DCC: variants seen among roughly 807,000 people sequenced by gnomAD.
DCC encodes the protein netrin receptor DCC.
A neutral mutation model predicts 172.5 loss-of-function variants in DCC; 58 were observed. The ratio of observed to expected loss-of-function variants is 0.34; its 90% CI spans 0.27 to 0.42. The LOEUF (loss-of-function observed/expected upper bound fraction) is 0.42, where lower values mean the gene tolerates loss of function less well. DCC is among the 10% of genes least tolerant of loss of function. The probability of loss-of-function intolerance (pLI) is 1.00; values close to 1 mark genes in which losing one functional copy is unlikely to be tolerated. For synonymous variants in DCC, 709 were observed against 644.5 expected (o/e 1.10, Z -1.52); for missense variants, 1,740 against 1,791.0 (o/e 0.97, Z 0.51).
intron 2 of DCC, among the ~76,000 whole-genome samples, chr18:52,819,420 T>C (rs981227567): frequency 6.6e-5 from 10 of 152,248 alleles, no homozygotes; most frequent in Non-Finnish European, 1.3e-4. Flanking sequence ...ATGGAAGATA[T>C]TACATAAATT....
At chr18:53,128,622 A>T (rs8096803) in intron 7 of DCC, among the ~76,000 whole-genome samples, 25,344 of 151,706 alleles carry the variant, frequency 0.17, 2,781 homozygotes, top group African/African-American at 0.31. Flanking sequence ...GACTTTAAAA[A>T]TAGTTTTATT....
At chr18:53,516,808 G>A (rs2046339194) in intron 27 of DCC, among the ~76,000 whole-genome samples, 1 of 143,244 alleles carries the variant, frequency 7.0e-6, no homozygotes, top group Non-Finnish European at 1.5e-5. Context: ...ACAGGTGCTG[G>A]AGAGGATGTG....
chr18:52,462,902 C>A (rs1454597751), intron 1 of DCC, among the ~76,000 whole-genome samples: 1 of 152,118 alleles, frequency 6.6e-6, no homozygotes, highest in Non-Finnish European at 1.5e-5. Flanking sequence ...TCTCTCCTGG[C>A]CATTTCTGAC....
At position 53,351,458 on chromosome 18, in the gene DCC, C is replaced by CACTGTGTATATATATAT. The variant is rs1568075464; in HGVS notation, c.2359+11553_2359+11554insTGTGTATATATATATAC. Among the ~76,000 whole-genome samples the CACTGTGTATATATATAT allele has an allele frequency of 1.6e-3, 39 of 24,282 alleles. 1 individual carries two copies. Among genetic ancestry groups the CACTGTGTATATATATAT allele is most frequent in the African/African-American group, 5.7e-3 (34 of 5,984 alleles). The allele number at this position is 24,282 out of a possible 152,430, so 15.9% of individuals were successfully genotyped here. A position where few individuals can be genotyped will look rare whatever the true frequency, so the allele number is the denominator to read the frequency against. ...TATATACAGTGTATATATATATATA[C>CACTGTGTATATATATAT]ACAGTGTGTATATATATATATATAT... On this transcript the variant is annotated intron_variant, in intron 15 of 28. Coordinates refer to ENST00000442544, the MANE Select transcript of DCC (RefSeq NM_005215.4).
chr18:53,380,685 G>A (rs530453926), intron 15 of DCC, among the ~76,000 whole-genome samples: 23 of 152,230 alleles, frequency 1.5e-4, no homozygotes, highest in African/African-American at 5.3e-4. Flanking sequence ...TTATTACTTA[G>A]GTAGTTCTGC....
intron 12 of DCC, among the ~76,000 whole-genome samples, chr18:53,222,012 C>T (rs542962910): frequency 2.0e-5 from 3 of 152,246 alleles, no homozygotes; most frequent in African/African-American, 7.2e-5. Context: ...AATTTTGTCT[C>T]ATATTCCATC....
At chr18:52,629,341 C>G (rs1568263545) in intron 1 of DCC, among the ~76,000 whole-genome samples, 1 of 152,160 alleles carries the variant, frequency 6.6e-6, no homozygotes, top group Admixed American at 6.5e-5. Context: ...GTTTCTGACA[C>G]TGCTGCTGGT....
At chr18:52,824,095 A>G (rs375340720) in intron 2 of DCC, among the ~76,000 whole-genome samples, 2 of 152,288 alleles carry the variant, frequency 1.3e-5, no homozygotes, top group East Asian at 3.9e-4. Flanking sequence ...TTTCCATTTA[A>G]AAAGACCTCC....
intron 7 of DCC, among the ~76,000 whole-genome samples, chr18:53,074,869 A>G (rs1390069072): frequency 6.6e-6 from 1 of 152,180 alleles, no homozygotes; most frequent in Non-Finnish European, 1.5e-5. Flanking sequence ...CTTAGGCAAT[A>G]TTGCCTAACC....
At chr18:53,508,451 C>T (rs2046210610) in intron 27 of DCC, among the ~76,000 whole-genome samples, 1 of 151,976 alleles carries the variant, frequency 6.6e-6, no homozygotes, top group Admixed American at 6.6e-5. Context: ...CCTCACTCTC[C>T]CAAAGTGTTA....
intron 1 of DCC, among the ~76,000 whole-genome samples, chr18:52,364,345 A>G (rs940719555): frequency 1.3e-5 from 2 of 151,034 alleles, no homozygotes; most frequent in Non-Finnish European, 2.9e-5. Context: ...GGTATATAAG[A>G]AAATATAAAT....
At chr18:52,655,892 G>C (rs963658758) in intron 1 of DCC, among the ~76,000 whole-genome samples, 2 of 151,146 alleles carry the variant, frequency 1.3e-5, no homozygotes, top group Non-Finnish European at 2.9e-5. Flanking sequence ...AGATCCCTTG[G>C]ATAGCTAATG....
intron 12 of DCC, among the ~76,000 whole-genome samples, chr18:53,249,103 C>T (rs2144653839): frequency 1.3e-5 from 2 of 152,056 alleles, no homozygotes; most frequent in Middle Eastern, 3.4e-3. Context: ...GTTTAACTTG[C>T]TTTAGGACAG....
At chr18:53,124,234 G>C (rs2043523118) in intron 7 of DCC, among the ~76,000 whole-genome samples, 2 of 151,878 alleles carry the variant, frequency 1.3e-5, no homozygotes, top group Non-Finnish European at 2.9e-5. Context: ...TCAATCTCTA[G>C]AACACTACAA....
chr18:53,490,637 G>C (rs1488062832), intron 26 of DCC, among the ~76,000 whole-genome samples: 1 of 152,140 alleles, frequency 6.6e-6, no homozygotes, highest in African/African-American at 2.4e-5. Context: ...ACAAAAGCAG[G>C]TTTCTTTGCT....
chr18:53,472,460 C>T (rs2045708695), intron 25 of DCC, among the ~76,000 whole-genome samples: 1 of 152,154 alleles, frequency 6.6e-6, no homozygotes, highest in Admixed American at 6.6e-5. Flanking sequence ...TCTAGTTGCA[C>T]TCCTCTTGTA....
intron 1 of DCC, among the ~76,000 whole-genome samples, chr18:52,535,016 CCT>C (rs1450343926): frequency 1.3e-5 from 2 of 152,132 alleles, no homozygotes; most frequent in Non-Finnish European, 2.9e-5. Context: ...CCCATCTCCC[CCT>C]GTCAATGAGT....
intron 1 of DCC, among the ~76,000 whole-genome samples, chr18:52,548,245 C>A (rs2032669391): frequency 6.6e-6 from 1 of 152,094 alleles, no homozygotes; most frequent in Non-Finnish European, 1.5e-5. Flanking sequence ...ACTTTCTTAA[C>A]CATCCTTAAT....
intron 1 of DCC, among the ~76,000 whole-genome samples, chr18:52,693,073 G>A (rs1950566697): frequency 6.6e-6 from 1 of 151,978 alleles, no homozygotes; most frequent in Non-Finnish European, 1.5e-5. Context: ...ATAAGTTAAT[G>A]GCTGGTGTGT....
Sources: allele counts gnomAD v4.1 joint callset (sites outside exome capture counted in the v4.1 genomes callset), GRCh38; gene constraint gnomAD v4.1.1; transcripts MANE v1.5; gene names NCBI Gene and HGNC (gene_info 2026-07-23, HGNC 2026-07-21).